The following ST6GALNAC5 variants were observed in gnomAD, a reference collection of about 807,000 sequenced individuals.
The protein encoded by ST6GALNAC5 is alpha-N-acetylgalactosaminide alpha-2,6-sialyltransferase 5.
In ST6GALNAC5, 27 loss-of-function variants were observed where a neutral mutation model predicts 33.6. The ratio of observed to expected loss-of-function variants is 0.80; its 90% confidence interval spans 0.59 to 1.11. ST6GALNAC5 has a LOEUF of 1.11. Among genes scored for constraint, ST6GALNAC5 ranks in the 50% least tolerant of loss-of-function variants. The pLI is 0.00. For synonymous variants in ST6GALNAC5, 194 were observed against 171.2 expected, an observed-to-expected ratio of 1.13 and a Z score of -1.04; for missense variants, 428 against 454.0, an observed-to-expected ratio of 0.94 and a Z score of 0.52.
chr1:77,012,181 G>A (rs1650659381), intron 2 of ST6GALNAC5, among the ~76,000 whole-genome samples: 1 of 152,180 alleles, frequency 6.6e-6, no homozygotes, highest in African/African-American at 2.4e-5. Flanking sequence ...GAAGTCTGTG[G>A]GAAGGGAAAG....
intron 2 of ST6GALNAC5, among the ~76,000 whole-genome samples, chr1:76,938,619 C>G (rs764627087): frequency 1.3e-5 from 2 of 152,094 alleles, no homozygotes; most frequent in African/African-American, 2.4e-5. Context: ...CCTCTGCCCC[C>G]CTTCAAACAC....
chr1:76,950,457 T>C (rs978740859), intron 2 of ST6GALNAC5, among the ~76,000 whole-genome samples: 11 of 152,134 alleles, frequency 7.2e-5, no homozygotes, highest in African/African-American at 2.7e-4. Context: ...TACAGCTCAG[T>C]TGTTCCATTG....
At chr1:76,883,794 ACCATATG>A (rs1653836726) in intron 2 of ST6GALNAC5, among the ~76,000 whole-genome samples, 1 of 152,230 alleles carries the variant, frequency 6.6e-6, no homozygotes, top group South Asian at 2.1e-4. Context: ...TTGTGTTTCT[ACCATATG>A]CCTAGCATTG....
chr1:77,044,732 T>C (rs1651952533), intron 3 of ST6GALNAC5, 119 bp downstream of exon 3: 2 of 1,259,610 alleles, frequency 1.6e-6, no homozygotes, highest in Admixed American at 5.2e-5. Flanking sequence ...GCTCATGTCA[T>C]TGCTAGAGTT....
rs141577178 is a variant in ST6GALNAC5 at position 77,023,230 on chromosome 1, C to T, written c.262-20974C>T. Among the ~76,000 whole-genome samples, 121 of 152,306 alleles carry T rather than the reference C, an allele frequency of 7.9e-4. 1 individual carries two copies. In the South Asian group the frequency reaches 0.011, roughly 14 times the overall value. On this transcript the variant is annotated intron_variant, in intron 2 of 4. Transcript: ENST00000477717. The stretch of plus-strand genomic sequence containing the variant: ...GGGAGGGATTCTGTTATTTAAGCCA[C>T]GCAACCAGTGGTATTTTGTTATGGC...
At chr1:77,014,283 C>A (rs1257838321) in intron 2 of ST6GALNAC5, among the ~76,000 whole-genome samples, 1 of 152,196 alleles carries the variant, frequency 6.6e-6, no homozygotes, top group Non-Finnish European at 1.5e-5. Context: ...ATTCCGTCAG[C>A]CAAGTGACAG....
At chr1:77,000,101 C>G (rs1205751259) in intron 2 of ST6GALNAC5, among the ~76,000 whole-genome samples, 3 of 86,090 alleles carry the variant, frequency 3.5e-5, no homozygotes, top group African/African-American at 9.7e-5. Context: ...GTTTACAGTC[C>G]CACCAACAGT....
chr1:77,015,248 A>G (rs1650785057), intron 2 of ST6GALNAC5, among the ~76,000 whole-genome samples: 1 of 152,200 alleles, frequency 6.6e-6, no homozygotes, highest in Admixed American at 6.5e-5. Flanking sequence ...CAAAAGCAGG[A>G]GGAGATGAGA....
chr1:76,923,767 CT>C (rs922513112), intron 2 of ST6GALNAC5, among the ~76,000 whole-genome samples: 2 of 152,052 alleles, frequency 1.3e-5, no homozygotes, highest in Non-Finnish European at 2.9e-5. Context: ...GAGGTTAGAT[CT>C]CATGGATTTG....
chr1:77,037,765 A>G (rs1233844855), intron 2 of ST6GALNAC5, among the ~76,000 whole-genome samples: 2 of 152,154 alleles, frequency 1.3e-5, no homozygotes, highest in Non-Finnish European at 2.9e-5. Flanking sequence ...TGCAGGAACT[A>G]CAAGACAATG....
chr1:76,992,381 A>G (rs145096751), intron 2 of ST6GALNAC5, among the ~76,000 whole-genome samples: 11 of 152,294 alleles, frequency 7.2e-5, no homozygotes, highest in East Asian at 5.8e-4. Context: ...TCTTCCTCCT[A>G]TAGCACCAAA....
chr1:77,033,519 T>C (rs1249326262), intron 2 of ST6GALNAC5, among the ~76,000 whole-genome samples: 1 of 152,214 alleles, frequency 6.6e-6, no homozygotes, highest in Non-Finnish European at 1.5e-5. Flanking sequence ...TGGGGCTGTC[T>C]TCAGGACTAG....
At chr1:77,028,750 A>G (rs1386333067) in intron 2 of ST6GALNAC5, among the ~76,000 whole-genome samples, 1 of 152,216 alleles carries the variant, frequency 6.6e-6, no homozygotes, top group East Asian at 1.9e-4. Flanking sequence ...GCTCGGGTCT[A>G]GCATTACCAT....
intron 2 of ST6GALNAC5, among the ~76,000 whole-genome samples, chr1:76,921,225 AAG>A (rs1361975361): frequency 1.1e-4 from 16 of 152,160 alleles, no homozygotes; most frequent in African/African-American, 3.9e-4. Context: ...TATCCTTAGA[AAG>A]AGAGAAAAAC....
chr1:76,999,853 C>T (rs61785606), intron 2 of ST6GALNAC5, among the ~76,000 whole-genome samples: 2 of 120,212 alleles, frequency 1.7e-5, no homozygotes, highest in Admixed American at 1.7e-4. Flanking sequence ...GTATTCCATG[C>T]TATATATGTG....
In ST6GALNAC5 at chr1:76,872,049, C is replaced by T. The variant is rs189111065; in HGVS notation, c.261+3307C>T. 5.5e-4 allele frequency among the ~76,000 whole-genome samples: 80 copies of T among 146,160 alleles called. 1 individual carries two copies. Among genetic ancestry groups the T allele is most frequent in the African/African-American group, 1.9e-3 (75 of 39,706 alleles). On this transcript the variant is annotated intron_variant, in intron 2 of 4. Transcript: ENST00000477717. ...GAACCTTCTGCATTTAGAACTGTAG[C>T]CTAATGTATAACCAAGCTAACACAC...
chr1:76,933,626 C>T (rs576158633), intron 2 of ST6GALNAC5, among the ~76,000 whole-genome samples: 24 of 151,822 alleles, frequency 1.6e-4, no homozygotes, highest in Admixed American at 2.6e-4. Context: ...ACATAAATGG[C>T]GTAAGAACTG....
In ST6GALNAC5 at chr1:76,868,262, T is replaced by A. The variant is rs1011306399; in HGVS notation, c.16-235T>A. Among the ~76,000 whole-genome samples the A allele has an allele frequency of 7.3e-5, 11 of 151,612 alleles. No homozygotes were observed. Among genetic ancestry groups the A allele is most frequent in the Non-Finnish European group, 1.3e-4 (9 of 67,884 alleles). ...GCCCGGGGCCGTACACCACCTGCCC[T>A]CTACCGAGAGATCTGGGCGGCGGCG... On this transcript the variant is annotated intron_variant, in intron 1 of 4. Transcript: ENST00000477717. The surrounding 1 kb of genome is among the most constrained non-coding windows in gnomAD (Gnocchi z 4.3).
At chr1:77,044,072 A>G in intron 2 of ST6GALNAC5, 132 bp from the exon 3 acceptor site, 1 of 1,009,534 alleles carries the variant, frequency 9.9e-7, no homozygotes, top group Non-Finnish European at 1.4e-6. Context: ...AGCAGAAGGG[A>G]TATACTCTGA....
Sources: gnomAD v4.1 joint callset for allele counts (sites outside exome capture counted in the v4.1 genomes callset) on GRCh38, gnomAD v4.1.1 for gene constraint, Gnocchi (gnomAD v3.1) non-coding constraint, MANE v1.5 for transcripts, NCBI Gene and HGNC (gene_info 2026-07-23, HGNC 2026-07-21) for gene names.